Variants in TAFA5 observed in about 807,000 individuals in gnomAD.
The protein encoded by TAFA5 is TAFA chemokine like family member 5.
Under a neutral mutation model 15.3 loss-of-function variants are expected in TAFA5, and 6 were observed. That is an observed-to-expected ratio of 0.39 (90% CI 0.21 to 0.77). The LOEUF (loss-of-function observed/expected upper bound fraction) is 0.77, where lower values mean the gene tolerates loss of function less well. Ranked by LOEUF, TAFA5 falls within the 30% of genes least tolerant of loss-of-function variation. The pLI is 0.41. For missense variants in TAFA5, 161 were observed against 193.1 expected (o/e 0.83, Z 0.98); for synonymous variants, 103 against 80.7 (o/e 1.28, Z -1.48).
intron 2 of TAFA5, among the ~76,000 whole-genome samples, chr22:48,658,776 G>A (rs765077803): frequency 6.6e-6 from 1 of 152,182 alleles, no homozygotes; most frequent in African/African-American, 2.4e-5. Context: ...CTAGGGCGTC[G>A]ACGTGTAGAG....
chr22:48,640,459 C>T (rs1601635698), intron 1 of TAFA5, among the ~76,000 whole-genome samples: 1 of 152,184 alleles, frequency 6.6e-6, no homozygotes, highest in South Asian at 2.1e-4. Flanking sequence ...CTTATCTCAG[C>T]TGTCACGGGG....
At chr22:48,599,698 CCA>C (rs1924893324) in intron 1 of TAFA5, among the ~76,000 whole-genome samples, 1 of 152,242 alleles carries the variant, frequency 6.6e-6, no homozygotes, top group Admixed American at 6.5e-5. Context: ...GGCTGGCCAG[CCA>C]CACAGAGACG....
intron 3 of TAFA5, among the ~76,000 whole-genome samples, chr22:48,716,259 G>A (rs1163324794): frequency 1.3e-5 from 2 of 152,126 alleles, no homozygotes; most frequent in Non-Finnish European, 2.9e-5. Context: ...CAAAGATGTG[G>A]AACCAACCCA....
chr22:48,723,620 C>CAT (rs1383193360), intron 3 of TAFA5, among the ~76,000 whole-genome samples: 2 of 152,228 alleles, frequency 1.3e-5, no homozygotes, highest in African/African-American at 4.8e-5. Context: ...CACCATCCTC[C>CAT]CCCTGCCTGG....
intron 2 of TAFA5, among the ~76,000 whole-genome samples, chr22:48,672,890 G>A (rs751355280): frequency 6.6e-6 from 1 of 152,168 alleles, no homozygotes; most frequent in African/African-American, 2.4e-5. Flanking sequence ...ACCCAGACAC[G>A]TGCTGGTGGT....
At chr22:48,583,708 C>T (rs1924197321) in intron 1 of TAFA5, among the ~76,000 whole-genome samples, 2 of 136,458 alleles carry the variant, frequency 1.5e-5, no homozygotes, top group South Asian at 2.4e-4. Flanking sequence ...CACGCCACAT[C>T]CCACACACAC....
At chr22:48,597,486 C>G (rs950320839) in intron 1 of TAFA5, among the ~76,000 whole-genome samples, 3 of 151,448 alleles carry the variant, frequency 2.0e-5, no homozygotes, top group African/African-American at 7.3e-5. Flanking sequence ...TGGCCTGCAT[C>G]ACCTGGGCCT....
At chr22:48,525,322 G>A (rs1022696749) in intron 1 of TAFA5, among the ~76,000 whole-genome samples, 1 of 152,130 alleles carries the variant, frequency 6.6e-6, no homozygotes, top group African/African-American at 2.4e-5. Flanking sequence ...GGAGCAGCCT[G>A]GAGACCTCCA....
intron 2 of TAFA5, among the ~76,000 whole-genome samples, chr22:48,687,805 C>T (rs751939793): frequency 2.6e-5 from 4 of 152,308 alleles, no homozygotes; most frequent in East Asian, 1.9e-4. Flanking sequence ...CCACATACCA[C>T]GACCCACCTT....
At chr22:48,515,057 C>T (rs1281460797) in intron 1 of TAFA5, among the ~76,000 whole-genome samples, 1 of 152,206 alleles carries the variant, frequency 6.6e-6, no homozygotes, top group Non-Finnish European at 1.5e-5. Flanking sequence ...AGGTGCAGAG[C>T]TGGCGAATGC....
chr22:48,490,124 G>A lies in TAFA5; in HGVS notation c.112+420G>A, dbSNP rs1928092062. ...GCGCCCTCCCCGTGCCTCAGCCCGG[G>A]ACAAGGGGGGAGGCGGCGGCCGAGC... On this transcript the variant is annotated intron_variant, in intron 1 of 3. Coordinates refer to ENST00000402357, the MANE Select transcript of TAFA5 (RefSeq NM_001082967.3). The surrounding 1 kb of genome is among the most constrained non-coding windows in gnomAD (Gnocchi z 5.8). 1.3e-5 allele frequency among the ~76,000 whole-genome samples: 2 copies of A among 152,136 alleles called. No homozygotes were observed. The highest frequency in any genetic ancestry group is 2.1e-4 in the South Asian group (1 of 4,832).
In TAFA5 at chr22:48,545,325, C is replaced by G. The variant is rs187487513; in HGVS notation, c.112+55621C>G. The G allele has an allele frequency of 1.7e-5, 4 of 240,886 alleles. No individual in the cohort carries two copies. In the Admixed American group the frequency reaches 2.0e-4, roughly 12 times the overall value. 14.9% of individuals were successfully genotyped at this position (240,886 alleles called of 1,614,324 possible). ...GCCTCAGAGGGGGCTGGATCTGCCC[C>G]GGGTCACAGCACTCATAGGACACTG... On this transcript the variant is annotated intron_variant, in intron 1 of 3. Transcript: ENST00000402357.
At chr22:48,644,810 C>T (rs1298422068) in intron 1 of TAFA5, among the ~76,000 whole-genome samples, 1 of 152,204 alleles carries the variant, frequency 6.6e-6, no homozygotes, top group African/African-American at 2.4e-5. Flanking sequence ...AGGTTCCTCT[C>T]TGCAAGGGTG....
chr22:48,689,086 G>T (rs1487021548), intron 2 of TAFA5, among the ~76,000 whole-genome samples: 1 of 151,950 alleles, frequency 6.6e-6, no homozygotes, highest in African/African-American at 2.4e-5. Context: ...GTATGTCCTT[G>T]GTGTGGGTCC....
intron 3 of TAFA5, among the ~76,000 whole-genome samples, chr22:48,732,959 G>T (rs1019077126): frequency 2.0e-5 from 3 of 152,118 alleles, no homozygotes; most frequent in Non-Finnish European, 2.9e-5. Context: ...TATTTTTAAG[G>T]TATGTACTTT....
At chr22:48,492,321 A>G (rs1380106088) in intron 1 of TAFA5, among the ~76,000 whole-genome samples, 1 of 152,236 alleles carries the variant, frequency 6.6e-6, no homozygotes, top group Non-Finnish European at 1.5e-5. Flanking sequence ...ATATATTTGT[A>G]TCATATTAAT....
intron 1 of TAFA5, among the ~76,000 whole-genome samples, chr22:48,521,176 C>T (rs1222126357): frequency 6.6e-6 from 1 of 152,308 alleles, no homozygotes; most frequent in Non-Finnish European, 1.5e-5. Context: ...GCCCTATCAT[C>T]GCTCCTCTGG....
intron 3 of TAFA5, among the ~76,000 whole-genome samples, chr22:48,723,605 G>A (rs1160525490): frequency 1.3e-5 from 2 of 152,222 alleles, no homozygotes; most frequent in East Asian, 3.9e-4. Context: ...TACTGGGTCA[G>A]ATCCCACCAT....
chr22:48,509,821 G>A (rs1921144009), intron 1 of TAFA5, among the ~76,000 whole-genome samples: 1 of 151,868 alleles, frequency 6.6e-6, no homozygotes, highest in Admixed American at 6.6e-5. Flanking sequence ...CACAGTGGCG[G>A]GCGCCTGTAG....
Sources: allele counts gnomAD v4.1 joint callset (sites outside exome capture counted in the v4.1 genomes callset), GRCh38; gene constraint gnomAD v4.1.1; non-coding constraint Gnocchi (gnomAD v3.1); transcripts MANE v1.5; gene names NCBI Gene and HGNC (gene_info 2026-07-23, HGNC 2026-07-21).